Variants in CSNK2A2IP observed in about 807,000 individuals in gnomAD.
CSNK2A2IP encodes the protein casein kinase 2 subunit alpha' interacting protein.
At chr3:88,462,564 T>C in the CSNK2A2IP span, among the ~76,000 whole-genome samples, 5 of 152,090 alleles carry the variant, frequency 3.3e-5, no homozygotes, top group African/African-American at 1.2e-4. Context: ...AATTATACAG[T>C]CTAGATAAGA....
At chr3:88,401,596 T>G in the CSNK2A2IP span, among the ~76,000 whole-genome samples, 1 of 152,026 alleles carries the variant, frequency 6.6e-6, no homozygotes, top group Admixed American at 6.6e-5. Context: ...AGCAAGTCTT[T>G]TAGGAGAAAG....
chr3:88,365,315 T>A, the CSNK2A2IP span, among the ~76,000 whole-genome samples: 1 of 152,170 alleles, frequency 6.6e-6, no homozygotes, highest in Non-Finnish European at 1.5e-5. Context: ...AATTAATAAC[T>A]TTTAGGCAGG....
chr3:88,350,288 C>A, the CSNK2A2IP span, among the ~76,000 whole-genome samples: 1 of 152,100 alleles, frequency 6.6e-6, no homozygotes, highest in Non-Finnish European at 1.5e-5. Context: ...CTCTGAGTTA[C>A]CAATTCAGTT....
the CSNK2A2IP span, among the ~76,000 whole-genome samples, chr3:88,372,356 C>T: frequency 3.3e-5 from 5 of 151,232 alleles, no homozygotes; most frequent in African/African-American, 7.3e-5. Context: ...ACACAAAGGA[C>T]GAGGGCATTA....
At chr3:88,350,840 A>G in the CSNK2A2IP span, among the ~76,000 whole-genome samples, 7 of 152,138 alleles carry the variant, frequency 4.6e-5, no homozygotes, top group Non-Finnish European at 8.8e-5. Context: ...TGCTGCTGCT[A>G]GAAGTCTCTA....
chr3:88,399,668 C>G, the CSNK2A2IP span: 1 of 152,190 alleles, frequency 6.6e-6, no homozygotes, highest in African/African-American at 2.4e-5. Context: ...CTACTTCTTC[C>G]TCCGCAAACT....
the CSNK2A2IP span, among the ~76,000 whole-genome samples, chr3:88,379,458 A>G: frequency 1.3e-5 from 2 of 152,048 alleles, no homozygotes; most frequent in Admixed American, 6.6e-5. Context: ...AGTCCTTTTA[A>G]TATGCTTGTG....
At chr3:88,351,711 A>G in the CSNK2A2IP span, among the ~76,000 whole-genome samples, 1 of 152,158 alleles carries the variant, frequency 6.6e-6, no homozygotes, top group Non-Finnish European at 1.5e-5. Context: ...TAAATGTAAG[A>G]TAACTCCCCA....
chr3:88,408,257 G>A, the CSNK2A2IP span, among the ~76,000 whole-genome samples: 1 of 150,978 alleles, frequency 6.6e-6, no homozygotes, highest in East Asian at 1.9e-4. Context: ...GGCAATAGAG[G>A]CAATAAATGA....
At chr3:88,456,714 A>AT in the CSNK2A2IP span, among the ~76,000 whole-genome samples, 46 of 141,760 alleles carry the variant, frequency 3.2e-4, no homozygotes, top group Admixed American at 1.1e-3. Flanking sequence ...GAAAATACTG[A>AT]TTTTTTCTCC....
chr3:88,356,150 C>T, the CSNK2A2IP span, among the ~76,000 whole-genome samples: 1 of 151,970 alleles, frequency 6.6e-6, no homozygotes, highest in African/African-American at 2.4e-5. Flanking sequence ...TATTGTTTAC[C>T]ATAGTCTCCT....
the CSNK2A2IP span, among the ~76,000 whole-genome samples, chr3:88,389,497 C>T: frequency 6.6e-6 from 1 of 152,216 alleles, no homozygotes; most frequent in East Asian, 1.9e-4. Context: ...GACTTATAGG[C>T]CATCGTAAGG....
chr3:88,340,267 G>C, the CSNK2A2IP span, among the ~76,000 whole-genome samples: 1,265 of 151,882 alleles, frequency 8.3e-3, 12 homozygotes, highest in African/African-American at 0.029. Context: ...GATTAAATTG[G>C]TTAAGACACA....
chr3:88,417,757 G>A, the CSNK2A2IP span, among the ~76,000 whole-genome samples: 2 of 152,060 alleles, frequency 1.3e-5, no homozygotes, highest in Non-Finnish European at 2.9e-5. Flanking sequence ...ACATAAATCA[G>A]CTCTTTCTTT....
the CSNK2A2IP span, among the ~76,000 whole-genome samples, chr3:88,457,739 A>ATAAAATAAAG: frequency 7.3e-6 from 1 of 137,130 alleles, no homozygotes; most frequent in Non-Finnish European, 1.6e-5. Context: ...ATAAAATAAA[A>ATAAAATAAAG]TAAAATAAAA....
the CSNK2A2IP span, among the ~76,000 whole-genome samples, chr3:88,363,207 T>TCCCA: frequency 6.6e-6 from 1 of 152,232 alleles, no homozygotes; most frequent in South Asian, 2.1e-4. Context: ...TTGTTATATG[T>TCCCA]TAAATTAGAA....
the CSNK2A2IP span, among the ~76,000 whole-genome samples, chr3:88,437,626 C>G: frequency 6.6e-6 from 1 of 152,114 alleles, no homozygotes; most frequent in Non-Finnish European, 1.5e-5. Flanking sequence ...AAGTCATAAT[C>G]ATTTCCTAAA....
the CSNK2A2IP span, among the ~76,000 whole-genome samples, chr3:88,461,511 C>T: frequency 2.0e-5 from 3 of 152,096 alleles, no homozygotes; most frequent in Non-Finnish European, 2.9e-5. Context: ...CGAGATCAAG[C>T]CACTGCACTC....
At chr3:88,433,976 C>T in the CSNK2A2IP span, among the ~76,000 whole-genome samples, 3 of 152,076 alleles carry the variant, frequency 2.0e-5, no homozygotes, top group African/African-American at 2.4e-5. Flanking sequence ...CTATATATCA[C>T]GCTGTTAAAA....
Sources: allele counts gnomAD v4.1 joint callset (sites outside exome capture counted in the v4.1 genomes callset), GRCh38; gene constraint gnomAD v4.1.1; transcripts MANE v1.5; gene names NCBI Gene and HGNC (gene_info 2026-07-23, HGNC 2026-07-21).